The following CSNK1G1 variants were observed in gnomAD, a reference collection of about 807,000 sequenced individuals.
CSNK1G1 encodes the protein casein kinase 1 gamma 1.
In CSNK1G1, 22 loss-of-function variants were observed where a neutral mutation model predicts 59.6. The observed-to-expected ratio is 0.37, with a 90% CI of 0.26 to 0.53. The LOEUF (loss-of-function observed/expected upper bound fraction) is 0.53. Ranked by LOEUF, CSNK1G1 falls within the 20% of genes least tolerant of loss-of-function variation. The pLI, the probability that CSNK1G1 is intolerant of heterozygous loss-of-function variation, is 0.89. For missense variants in CSNK1G1, 384 were observed against 519.5 expected (o/e 0.74, Z 2.54); for synonymous variants, 179 against 177.1 (o/e 1.01, Z -0.08).
At chr15:64,264,694 C>T (rs933472507) in intron 2 of CSNK1G1, among the ~76,000 whole-genome samples, 2 of 152,130 alleles carry the variant, frequency 1.3e-5, no homozygotes, top group African/African-American at 4.8e-5. Flanking sequence ...GGATGTATCC[C>T]GGGGATGTTA....
intron 1 of CSNK1G1, among the ~76,000 whole-genome samples, chr15:64,310,307 A>G (rs920658490): frequency 1.3e-5 from 2 of 152,100 alleles, no homozygotes; most frequent in Non-Finnish European, 2.9e-5. Flanking sequence ...CTCAGCCTCA[A>G]TATCAATTTA....
intron 2 of CSNK1G1, among the ~76,000 whole-genome samples, chr15:64,280,701 T>A (rs562249232): frequency 4.3e-4 from 65 of 152,018 alleles, no homozygotes; most frequent in Non-Finnish European, 6.2e-4. Context: ...TGCTTCTCCC[T>A]CCAAATCAAA....
intron 1 of CSNK1G1, among the ~76,000 whole-genome samples, chr15:64,346,028 A>T (rs955725283): frequency 4.7e-5 from 6 of 126,928 alleles, no homozygotes; most frequent in African/African-American, 1.7e-4. Context: ...TGACCTCGTG[A>T]TCTGCCCACC....
intron 1 of CSNK1G1, among the ~76,000 whole-genome samples, chr15:64,327,732 C>T (rs1486513816): frequency 2.7e-5 from 4 of 149,122 alleles, no homozygotes; most frequent in African/African-American, 5.0e-5. Flanking sequence ...CTCTGAGCTA[C>T]GGGAGGACAT....
rs909020212 is a variant in CSNK1G1 at position 64,166,559 on chromosome 15, C to A, written c.*5372G>T. 1 of 152,180 alleles carries A rather than the reference C, an allele frequency of 6.6e-6. No individual in the cohort carries two copies. The highest frequency in any genetic ancestry group is 2.4e-5 in the African/African-American group (1 of 41,354). The allele number at this position is 152,180 out of a possible 1,614,324, so 9.4% of individuals were successfully genotyped here. A position where few individuals can be genotyped will look rare whatever the true frequency, so the allele number is the denominator to read the frequency against. On this transcript the variant is annotated 3_prime_UTR_variant, in exon 12 of 12. Coordinates refer to ENST00000303052, the MANE Select transcript of CSNK1G1 (RefSeq NM_022048.5). This position sits in a 1 kb window ranked among gnomAD's most constrained non-coding sequence, Gnocchi z 4.5. ...ACACGCACTCACGTGCGCACACACA[C>A]CACACACACACACAGACACGCAGTC...
At chr15:64,240,640 G>A (rs2082681587) in intron 4 of CSNK1G1, among the ~76,000 whole-genome samples, 1 of 151,194 alleles carries the variant, frequency 6.6e-6, no homozygotes. Context: ...GCAAAGTAAT[G>A]GAAAGAAAAA....
chr15:64,168,748 T>C lies in CSNK1G1; in HGVS notation c.*3183A>G, dbSNP rs556161209. On this transcript the variant is annotated 3_prime_UTR_variant, in exon 12 of 12. Transcript: ENST00000303052. ...GCTGAGGCATACAGCTAAGGAACTGTAGCAGTAGGGTTGAGGAGGGAGCCC... is the reference window on the plus strand; with the variant it reads ...GCTGAGGCATACAGCTAAGGAACTGCAGCAGTAGGGTTGAGGAGGGAGCCC... 2.6e-5 allele frequency: 4 copies of C among 152,324 alleles called. No individual in the cohort carries two copies. Among genetic ancestry groups the C allele is most frequent in the African/African-American group, 9.6e-5 (4 of 41,566 alleles). 9.4% of individuals were successfully genotyped at this position (152,324 alleles called of 1,614,324 possible). A position where few individuals can be genotyped will look rare whatever the true frequency, so the allele number is the denominator to read the frequency against.
At chr15:64,322,585 T>C (rs953321692) in intron 1 of CSNK1G1, among the ~76,000 whole-genome samples, 36 of 152,006 alleles carry the variant, frequency 2.4e-4, no homozygotes, top group African/African-American at 8.7e-4. Context: ...GAGGCCAAGA[T>C]GGGTTGATCC....
chr15:64,205,049 G>A lies in CSNK1G1; in HGVS notation c.766-100C>T, dbSNP rs556275492. The A allele has an allele frequency of 1.3e-5, 8 of 635,460 alleles. No individual in the cohort carries two copies. The East Asian group carries it at 2.4e-4, about 19-fold the overall frequency. 39.4% of individuals were successfully genotyped at this position (635,460 alleles called of 1,614,324 possible). A position where few individuals can be genotyped will look rare whatever the true frequency, so the allele number is the denominator to read the frequency against. ...AATGGTTGTTTCACTCAAATTCGCA[G>A]TATTTGTTGGTCTTGATTTTTTTTC... On this transcript the variant is annotated intron_variant, in intron 7 of 11. Transcript: ENST00000303052.
intron 2 of CSNK1G1, among the ~76,000 whole-genome samples, chr15:64,260,737 CATAA>C (rs1366053376): frequency 2.0e-5 from 3 of 152,092 alleles, no homozygotes; most frequent in African/African-American, 4.8e-5. Flanking sequence ...GACTCCATCT[CATAA>C]ATAAACAAAC....
At chr15:64,233,230 G>A (rs1217679761) in intron 4 of CSNK1G1, among the ~76,000 whole-genome samples, 1 of 152,154 alleles carries the variant, frequency 6.6e-6, no homozygotes, top group East Asian at 1.9e-4. Context: ...GATGTATGAA[G>A]GCCAAACAAT....
Position 64,213,979 on chromosome 15 carries a change from G to A in CSNK1G1, c.590C>T (p.Pro197Leu). ...ATAAGGTATGTGTTTTTTGGTTTCG[G>A]GGTCAATGTATTCCTTGGCCAGTCC... is the stretch of plus-strand genomic sequence containing the variant. ...DFGLAKEYID[P>L]ETKKHIPYRE... Residue 197 changes from proline to leucine, a missense_variant, in exon 6 of 12, where the codon CCC (proline) becomes CTC (leucine). Around this residue, in one of 3 missense-constraint regions of CSNK1G1, gnomAD observed 325 missense variants for 440.9 expected, o/e 0.74. Coordinates refer to ENST00000303052, the MANE Select transcript of CSNK1G1 (RefSeq NM_022048.5). 1 of 1,614,026 alleles carries A rather than the reference G, an allele frequency of 6.2e-7. No individual in the cohort carries two copies. The highest frequency in any genetic ancestry group is 1.1e-5 in the South Asian group (1 of 91,064).
At chr15:64,223,196 C>G (rs948595314) in intron 4 of CSNK1G1, among the ~76,000 whole-genome samples, 14 of 152,064 alleles carry the variant, frequency 9.2e-5, no homozygotes, top group Non-Finnish European at 1.9e-4. Context: ...TCAGAGATTA[C>G]CACACAGTAA....
intron 2 of CSNK1G1, among the ~76,000 whole-genome samples, chr15:64,299,300 T>C (rs1315224154): frequency 6.6e-6 from 1 of 151,852 alleles, no homozygotes; most frequent in African/African-American, 2.4e-5. Context: ...TTAAAAAGTA[T>C]ATAAATGGCC....
At chr15:64,179,011 A>G (rs1290759067) in intron 11 of CSNK1G1, among the ~76,000 whole-genome samples, 1 of 151,888 alleles carries the variant, frequency 6.6e-6, no homozygotes, top group Non-Finnish European at 1.5e-5. Context: ...TCAGCCTCCC[A>G]AAGTGCTAAG....
rs761337842 is a variant in CSNK1G1, at chr15:64,167,821, A to G, written c.*4110T>C. The G allele has an allele frequency of 1.3e-5, 2 of 152,368 alleles. No individual in the cohort carries two copies. Among genetic ancestry groups the G allele is most frequent in the African/African-American group, 2.4e-5 (1 of 41,448 alleles). The allele number at this position is 152,368 out of a possible 1,614,324, so 9.4% of individuals were successfully genotyped here. A position where few individuals can be genotyped will look rare whatever the true frequency, so the allele number is the denominator to read the frequency against. On this transcript the variant is annotated 3_prime_UTR_variant, in exon 12 of 12. Transcript: ENST00000303052. The stretch of plus-strand genomic sequence containing the variant: ...CTGAGAAGACGTTTTCTTGGCTGCC[A>G]TGGAAGTTCTCATTTTTGAGAAATG...
chr15:64,319,104 C>T (rs900858377), intron 1 of CSNK1G1, among the ~76,000 whole-genome samples: 1 of 152,156 alleles, frequency 6.6e-6, no homozygotes, highest in Non-Finnish European at 1.5e-5. Context: ...CCGCCTGCCT[C>T]AGCCTCCCAA....
chr15:64,171,731 T>G lies in CSNK1G1; in HGVS notation c.*200A>C. ...GCAGCTCTGGGACCTGCTCAGAGCC[T>G]TAGGCAGGCGGAGATGGCCAATGAC... On this transcript the variant is annotated 3_prime_UTR_variant, in exon 12 of 12. Transcript: ENST00000303052. This position sits in a 1 kb window ranked among gnomAD's most constrained non-coding sequence, Gnocchi z 4.8. 2 of 609,612 alleles carry G rather than the reference T, an allele frequency of 3.3e-6. No homozygotes were observed. The highest frequency in any genetic ancestry group is 5.8e-6 in the Non-Finnish European group (2 of 343,456). 37.8% of individuals were successfully genotyped at this position (609,612 alleles called of 1,614,324 possible). A position where few individuals can be genotyped will look rare whatever the true frequency, so the allele number is the denominator to read the frequency against.
At chr15:64,316,335 A>G (rs1292828090) in intron 1 of CSNK1G1, among the ~76,000 whole-genome samples, 2 of 152,196 alleles carry the variant, frequency 1.3e-5, no homozygotes, top group Non-Finnish European at 2.9e-5. Flanking sequence ...CCAGGAGTTC[A>G]GGACAAGCTT....
Sources: allele counts gnomAD v4.1 joint callset (sites outside exome capture counted in the v4.1 genomes callset), GRCh38; gene constraint gnomAD v4.1.1; regional missense constraint gnomAD v4.1.1; non-coding constraint Gnocchi (gnomAD v3.1); transcripts MANE v1.5; gene names NCBI Gene and HGNC (gene_info 2026-07-23, HGNC 2026-07-21).